Variants in TMEM132B observed in about 807,000 individuals in gnomAD.
TMEM132B encodes the protein transmembrane protein 132B.
TMEM132B carries 18 observed loss-of-function variants against 90.8 expected under a neutral mutation model. The ratio of observed to expected loss-of-function variants is 0.20; its 90% CI spans 0.14 to 0.29. The LOEUF (loss-of-function observed/expected upper bound fraction) is 0.29. Among genes scored for constraint, TMEM132B ranks in the 10% least tolerant of loss-of-function variants. The pLI, the probability that TMEM132B is intolerant of heterozygous loss-of-function variation, is 1.00. For missense variants in TMEM132B, 1,096 were observed against 1,326.8 expected, an observed-to-expected ratio of 0.83 and a Z score of 2.70; for synonymous variants, 504 against 523.3, an observed-to-expected ratio of 0.96 and a Z score of 0.50.
At position 125,213,179 on chromosome 12, in the gene TMEM132B, C is replaced by T. The variant is rs1173271984; in HGVS notation, c.67+26313C>T. Among the ~76,000 whole-genome samples the T allele has an allele frequency of 6.6e-6, 1 of 152,168 alleles. No individual in the cohort carries two copies. The highest frequency in any genetic ancestry group is 1.5e-5 in the Non-Finnish European group (1 of 68,040). On this transcript the variant is annotated intron_variant, in intron 1 of 8. Coordinates refer to ENST00000682704, the MANE Select transcript of TMEM132B (RefSeq NM_001366854.1). This position sits in a 1 kb window ranked among gnomAD's most constrained non-coding sequence, Gnocchi z 4.2. ...ACAAATGCAGTCTTAAAATATGCAC[C>T]CTTTTGGGTCTGGCTTCTTTCACTT... is the stretch of plus-strand genomic sequence containing the variant.
intron 1 of TMEM132B, among the ~76,000 whole-genome samples, chr12:125,216,259 G>A (rs1873434825): frequency 6.6e-6 from 1 of 152,298 alleles, no homozygotes; most frequent in South Asian, 2.1e-4. Context: ...CCTCCTCTCT[G>A]TGTCCTAAAG....
chr12:125,268,008 G>C (rs1874737144), intron 1 of TMEM132B, among the ~76,000 whole-genome samples: 1 of 152,156 alleles, frequency 6.6e-6, no homozygotes, highest in Non-Finnish European at 1.5e-5. Context: ...TACTTTAGGA[G>C]GCTGAGGCAG....
intron 1 of TMEM132B, among the ~76,000 whole-genome samples, chr12:125,233,724 T>C (rs1348856260): frequency 1.3e-5 from 2 of 152,224 alleles, no homozygotes; most frequent in Non-Finnish European, 2.9e-5. Context: ...ACTTTTCCAC[T>C]AGTAGGCTTG....
chr12:125,476,937 G>A (rs948167613), intron 3 of TMEM132B, among the ~76,000 whole-genome samples: 1 of 152,136 alleles, frequency 6.6e-6, no homozygotes, highest in Non-Finnish European at 1.5e-5. Flanking sequence ...GGTGGGCAGT[G>A]ATTTTTGTGA....
chr12:125,455,669 A>AT lies in TMEM132B; in HGVS notation c.1106+40007dup, dbSNP rs35613986. Among the ~76,000 whole-genome samples, 1,304 of 139,826 alleles carry AT rather than the reference A, an allele frequency of 9.3e-3. 7 individuals are homozygous for AT. Among genetic ancestry groups the AT allele is most frequent in the African/African-American group, 0.014 (525 of 38,226 alleles). 91.7% of individuals were successfully genotyped at this position (139,826 alleles called of 152,430 possible). A position where few individuals can be genotyped will look rare whatever the true frequency, so the allele number is the denominator to read the frequency against. On this transcript the variant is annotated intron_variant, in intron 3 of 8. Transcript: ENST00000682704. ...GGGATGGATTATCTTCAAGGGTTGG[A>AT]TTTTTTTTTTTTTTTAAGTAATCTG... is the stretch of plus-strand genomic sequence containing the variant.
intron 1 of TMEM132B, among the ~76,000 whole-genome samples, chr12:125,331,030 C>G (rs914818303): frequency 6.6e-6 from 1 of 152,262 alleles, no homozygotes; most frequent in Non-Finnish European, 1.5e-5. Flanking sequence ...GGGGTTTCGT[C>G]TCTGGAAGAG....
At chr12:125,243,152 ATT>A (rs11345249) in intron 1 of TMEM132B, among the ~76,000 whole-genome samples, 6 of 141,058 alleles carry the variant, frequency 4.3e-5, no homozygotes, top group South Asian at 2.2e-4. Flanking sequence ...TATATATATA[ATT>A]TTTTTTTTTA....
intron 3 of TMEM132B, among the ~76,000 whole-genome samples, chr12:125,453,682 C>T (rs1881216100): frequency 6.6e-6 from 1 of 152,156 alleles, no homozygotes; most frequent in African/African-American, 2.4e-5. Context: ...CATGAAACAC[C>T]AGTGTAAAGG....
At chr12:125,449,060 G>A (rs1881081926) in intron 3 of TMEM132B, among the ~76,000 whole-genome samples, 1 of 148,524 alleles carries the variant, frequency 6.7e-6, no homozygotes, top group Admixed American at 6.9e-5. Context: ...TCTGCCTCCT[G>A]GGCTCACACC....
At chr12:125,375,539 ATCAG>A in intron 2 of TMEM132B, among the ~76,000 whole-genome samples, 1 of 152,248 alleles carries the variant, frequency 6.6e-6, no homozygotes, top group Non-Finnish European at 1.5e-5. Flanking sequence ...AAAAAGTTAC[ATCAG>A]GATTCAGATA....
At chr12:125,420,907 CTCAGAT>C (rs970300769) in intron 3 of TMEM132B, among the ~76,000 whole-genome samples, 1 of 152,166 alleles carries the variant, frequency 6.6e-6, no homozygotes, top group South Asian at 2.1e-4. Context: ...AATAATCTCT[CTCAGAT>C]TCAAAGTTCC....
intron 1 of TMEM132B, among the ~76,000 whole-genome samples, chr12:125,237,204 G>C (rs1272047750): frequency 6.6e-6 from 1 of 152,184 alleles, no homozygotes; most frequent in African/African-American, 2.4e-5. Context: ...TTCCAGGTAG[G>C]AGGTTGTTAG....
In TMEM132B at chr12:125,492,640, T is replaced by A. The variant is rs1395930379; in HGVS notation, c.1107-26799T>A. Reference sequence around the variant, plus strand: ...GCCTCGGGTCCCAGCAGGGCAGGCATGGGGTCTGAGAGGGGCAGGAAGGCA... The same window carrying A: ...GCCTCGGGTCCCAGCAGGGCAGGCAAGGGGTCTGAGAGGGGCAGGAAGGCA... On this transcript the variant is annotated intron_variant, in intron 3 of 8. Coordinates refer to ENST00000682704, the MANE Select transcript of TMEM132B (RefSeq NM_001366854.1). The surrounding 1 kb of genome is among the most constrained non-coding windows in gnomAD (Gnocchi z 5.8). Among the ~76,000 whole-genome samples the A allele has an allele frequency of 1.3e-5, 2 of 152,032 alleles. No individual in the cohort carries two copies. The highest frequency in any genetic ancestry group is 3.9e-4 in the East Asian group (2 of 5,162).
chr12:125,490,589 G>A lies in TMEM132B; in HGVS notation c.1107-28850G>A, dbSNP rs568518072. Among the ~76,000 whole-genome samples, 17 of 151,980 alleles carry A rather than the reference G, an allele frequency of 1.1e-4. No homozygotes were observed. The highest frequency in any genetic ancestry group is 9.7e-4 in the East Asian group (5 of 5,166). On this transcript the variant is annotated intron_variant, in intron 3 of 8. Transcript: ENST00000682704. The surrounding 1 kb of genome is among the most constrained non-coding windows in gnomAD (Gnocchi z 4.2). Reference sequence around the variant, plus strand: ...CACCATTCTCCTGCCTTAGCCTCCCGAGTAGCTCGACTACAGACACCTGCC... The same window carrying A: ...CACCATTCTCCTGCCTTAGCCTCCCAAGTAGCTCGACTACAGACACCTGCC...
At chr12:125,456,192 A>G (rs1253894643) in intron 3 of TMEM132B, among the ~76,000 whole-genome samples, 4 of 152,176 alleles carry the variant, frequency 2.6e-5, no homozygotes, top group Non-Finnish European at 5.9e-5. Context: ...TTTTAAAGCC[A>G]CCCAAATATT....
intron 5 of TMEM132B, among the ~76,000 whole-genome samples, chr12:125,613,923 C>G (rs543792244): frequency 8.1e-4 from 123 of 152,064 alleles, no homozygotes; most frequent in Non-Finnish European, 1.6e-3. Flanking sequence ...TTTTCTTAGT[C>G]TCATACAGTT....
chr12:125,568,820 G>A (rs1043926480), intron 4 of TMEM132B, among the ~76,000 whole-genome samples: 3 of 152,124 alleles, frequency 2.0e-5, no homozygotes, highest in African/African-American at 7.2e-5. Context: ...CCCTTTATGT[G>A]GGTCTCTTGC....
At chr12:125,457,021 G>T (rs1036303244) in intron 3 of TMEM132B, among the ~76,000 whole-genome samples, 20 of 152,248 alleles carry the variant, frequency 1.3e-4, no homozygotes, top group African/African-American at 4.8e-4. Context: ...CCTGCTGCAG[G>T]CAGGTCTGGC....
At chr12:125,529,783 A>G (rs577050906) in intron 4 of TMEM132B, among the ~76,000 whole-genome samples, 1 of 152,376 alleles carries the variant, frequency 6.6e-6, no homozygotes, top group Admixed American at 6.5e-5. Context: ...AAACTTTAAA[A>G]TCTAAACAGT....
Sources: gnomAD v4.1 joint callset for allele counts (sites outside exome capture counted in the v4.1 genomes callset) on GRCh38, gnomAD v4.1.1 for gene constraint, Gnocchi (gnomAD v3.1) non-coding constraint, MANE v1.5 for transcripts, NCBI Gene and HGNC (gene_info 2026-07-23, HGNC 2026-07-21) for gene names.